RIMS1: variants seen among roughly 807,000 people sequenced by gnomAD.
RIMS1 encodes the protein regulating synaptic membrane exocytosis 1.
A neutral mutation model predicts 214.1 loss-of-function variants in RIMS1; 83 were observed. The observed-to-expected ratio is 0.39, with a 90% CI of 0.32 to 0.47. The LOEUF (loss-of-function observed/expected upper bound fraction) is 0.47. RIMS1 is among the 20% of genes least tolerant of loss of function. The pLI, the probability that RIMS1 is intolerant of heterozygous loss-of-function variation, is 0.99. For missense variants in RIMS1, 2,050 were observed against 2,161.8 expected, an observed-to-expected ratio of 0.95 and a Z score of 1.03; for synonymous variants, 793 against 786.8, an observed-to-expected ratio of 1.01 and a Z score of -0.13.
chr6:72,224,592 G>T (rs2697436), intron 6 of RIMS1, among the ~76,000 whole-genome samples: 152,291 of 152,316 alleles, frequency 1, 76,133 homozygotes, highest in Middle Eastern at 1. Context: ...GATTTAAAAC[G>T]GTTTATTCAG....
chr6:72,033,657 T>G (rs923017610), intron 2 of RIMS1, among the ~76,000 whole-genome samples: 3 of 152,072 alleles, frequency 2.0e-5, no homozygotes, highest in African/African-American at 4.8e-5. Context: ...AATTTTTGTA[T>G]TTTTAGTAGA....
intron 2 of RIMS1, among the ~76,000 whole-genome samples, chr6:72,096,525 A>G (rs1201808362): frequency 6.6e-6 from 1 of 152,360 alleles, no homozygotes; most frequent in African/African-American, 2.4e-5. Flanking sequence ...TTAGAATAGG[A>G]TAGAAAATAG....
intron 1 of RIMS1, among the ~76,000 whole-genome samples, chr6:71,962,154 A>G (rs1793141242): frequency 6.6e-6 from 1 of 152,152 alleles, no homozygotes; most frequent in Non-Finnish European, 1.5e-5. Context: ...GGTAGACTTC[A>G]ATGATTAAGA....
chr6:72,186,571 G>T (rs62410366), intron 6 of RIMS1, among the ~76,000 whole-genome samples: 40,387 of 151,990 alleles, frequency 0.27, 6,134 homozygotes, highest in Non-Finnish European at 0.34. Flanking sequence ...AGTGGCCACA[G>T]TCCTAAATTT....
intron 10 of RIMS1, among the ~76,000 whole-genome samples, chr6:72,243,300 A>G (rs2154115939): frequency 6.6e-6 from 1 of 151,840 alleles, no homozygotes; most frequent in Non-Finnish European, 1.5e-5. Context: ...TGCAAAACAT[A>G]CAAGAAGATA....
intron 1 of RIMS1, among the ~76,000 whole-genome samples, chr6:71,945,891 A>G (rs947566705): frequency 1.3e-5 from 2 of 152,102 alleles, no homozygotes; most frequent in Middle Eastern, 3.4e-3. Context: ...CTGAGATTAC[A>G]GGTACCTGCC....
intron 1 of RIMS1, among the ~76,000 whole-genome samples, chr6:71,926,951 C>T (rs1409561043): frequency 1.3e-5 from 2 of 152,118 alleles, no homozygotes; most frequent in Non-Finnish European, 2.9e-5. Flanking sequence ...GAAGCTTATA[C>T]ACCCAATAAA....
chr6:71,977,443 C>G (rs570546104), intron 2 of RIMS1, among the ~76,000 whole-genome samples: 1 of 152,118 alleles, frequency 6.6e-6, no homozygotes, highest in Non-Finnish European at 1.5e-5. Context: ...TTGCCAGGCC[C>G]TGGATATTAT....
chr6:72,129,842 T>C (rs1306150779), intron 4 of RIMS1, among the ~76,000 whole-genome samples: 1 of 152,134 alleles, frequency 6.6e-6, no homozygotes, highest in Non-Finnish European at 1.5e-5. Context: ...TCGAGAAACA[T>C]ACATGAATTT....
At chr6:72,187,941 C>G (rs2049405179) in intron 6 of RIMS1, among the ~76,000 whole-genome samples, 1 of 152,140 alleles carries the variant, frequency 6.6e-6, no homozygotes, top group Non-Finnish European at 1.5e-5. Context: ...TGTCTGCAAG[C>G]TGAAGAGCAA....
At chr6:72,395,206 AAG>A (rs2098758877) in intron 31 of RIMS1, among the ~76,000 whole-genome samples, 2 of 152,064 alleles carry the variant, frequency 1.3e-5, no homozygotes, top group South Asian at 4.1e-4. Context: ...GGAGCCTAAA[AAG>A]AGAATAGAGA....
chr6:71,957,882 T>C (rs998307589), intron 1 of RIMS1, among the ~76,000 whole-genome samples: 3 of 151,956 alleles, frequency 2.0e-5, no homozygotes, highest in Admixed American at 1.3e-4. Context: ...TATTTGGATA[T>C]AATTAAATTT....
chr6:72,010,672 T>G (rs1299386256), intron 2 of RIMS1, among the ~76,000 whole-genome samples: 1 of 152,082 alleles, frequency 6.6e-6, no homozygotes, highest in Non-Finnish European at 1.5e-5. Context: ...CAAGCATTCT[T>G]ATACACCAAT....
At chr6:72,129,128 G>T (rs558666413) in intron 4 of RIMS1, among the ~76,000 whole-genome samples, 1 of 152,114 alleles carries the variant, frequency 6.6e-6, no homozygotes, top group Non-Finnish European at 1.5e-5. Flanking sequence ...GGAAGCCTGT[G>T]TCTTTTTATC....
In RIMS1 at chr6:72,402,828, A is replaced by G. The variant is rs1410290586; in HGVS notation, c.*2114A>G. 6.6e-6 allele frequency: 1 copy of G among 152,612 alleles called. No individual in the cohort carries two copies. The highest frequency in any genetic ancestry group is 1.5e-5 in the Non-Finnish European group (1 of 68,038). The allele number at this position is 152,612 out of a possible 1,614,324, so 9.5% of individuals were successfully genotyped here. On this transcript the variant is annotated 3_prime_UTR_variant, in exon 34 of 34. Transcript: ENST00000521978. ...GTCAGTCAGTAGCCATATGTGTTCT[A>G]TGTCTTGCCAGATTTCCATTGTGGG...
At chr6:72,182,195 ATGATT>A (rs1168886269) in intron 5 of RIMS1, 84 bp from the exon 6 acceptor site, 19 of 1,361,250 alleles carry the variant, frequency 1.4e-5, no homozygotes, top group Non-Finnish European at 1.8e-5. Context: ...TGTAACTGAA[ATGATT>A]TAAGACTGGA....
At chr6:72,095,909 G>A (rs1269074082) in intron 2 of RIMS1, among the ~76,000 whole-genome samples, 2 of 152,194 alleles carry the variant, frequency 1.3e-5, no homozygotes, top group Non-Finnish European at 2.9e-5. Flanking sequence ...CTCTTTTGGC[G>A]AAATAGCCAA....
intron 2 of RIMS1, among the ~76,000 whole-genome samples, chr6:72,021,777 A>C (rs73547369): frequency 0.012 from 1,838 of 152,108 alleles, 35 homozygotes; most frequent in African/African-American, 0.042. Context: ...TTCATTCCCA[A>C]GTTTTCTCAT....
chr6:72,324,115 T>C (rs2096325706), intron 28 of RIMS1, among the ~76,000 whole-genome samples: 1 of 151,830 alleles, frequency 6.6e-6, no homozygotes, highest in East Asian at 1.9e-4. Flanking sequence ...TGACCAGCAC[T>C]ACAAAAAATA....
Sources: gnomAD v4.1 joint callset for allele counts (sites outside exome capture counted in the v4.1 genomes callset) on GRCh38, gnomAD v4.1.1 for gene constraint, MANE v1.5 for transcripts, NCBI Gene and HGNC (gene_info 2026-07-23, HGNC 2026-07-21) for gene names.